Variants in EGFL6 observed in about 807,000 individuals in gnomAD.
EGFL6 encodes EGF like domain multiple 6, also known as epidermal growth factor-like protein 6.
In EGFL6, 42 loss-of-function variants were observed where a neutral mutation model predicts 43.1. The ratio of observed to expected loss-of-function variants is 0.98; its 90% CI spans 0.76 to 1.26. EGFL6 has a LOEUF of 1.26. Among genes scored for constraint, EGFL6 ranks in the 50% most tolerant of loss-of-function variants. The probability of loss-of-function intolerance (pLI) is 0.00; values close to 1 mark genes in which losing one functional copy is unlikely to be tolerated. For synonymous variants in EGFL6, 164 were observed against 163.2 expected, an observed-to-expected ratio of 1.01 and a Z score of -0.04; for missense variants, 429 against 427.8, an observed-to-expected ratio of 1.00 and a Z score of -0.02.
At chrX:13,573,510 T>C (rs757673817) in intron 1 of EGFL6, among the ~76,000 whole-genome samples, 5 of 112,350 alleles carry the variant, frequency 4.5e-5, no homozygotes, top group South Asian at 7.4e-4. Flanking sequence ...GTCCTATTTA[T>C]ATGTAATTCA....
At chrX:13,607,514 C>T (rs1420929160) in intron 6 of EGFL6, among the ~76,000 whole-genome samples, 2 of 111,082 alleles carry the variant, frequency 1.8e-5, no homozygotes, top group East Asian at 2.8e-4. Context: ...CCATATTTCT[C>T]GTGGACTTGG....
intron 3 of EGFL6, among the ~76,000 whole-genome samples, chrX:13,598,453 A>G (rs748501815): frequency 1.8e-5 from 2 of 111,592 alleles, no homozygotes; most frequent in Non-Finnish European, 3.8e-5. Flanking sequence ...AAACCCTCAC[A>G]TGACCACATT....
At chrX:13,605,044 C>T (rs1471191258) in intron 5 of EGFL6, among the ~76,000 whole-genome samples, 8 of 85,556 alleles carry the variant, frequency 9.4e-5, no homozygotes, top group African/African-American at 3.0e-4. Context: ...ACAGGATTTA[C>T]TACTTTTTAG....
At chrX:13,570,641 C>G (rs895882202) in intron 1 of EGFL6, among the ~76,000 whole-genome samples, 1 of 112,071 alleles carries the variant, frequency 8.9e-6, no homozygotes, top group Admixed American at 9.4e-5. Context: ...TGCACGCTTA[C>G]ATGGTGACTG....
intron 7 of EGFL6, among the ~76,000 whole-genome samples, chrX:13,608,939 T>A (rs945880970): frequency 2.7e-5 from 3 of 112,573 alleles, no homozygotes; most frequent in African/African-American, 9.7e-5. Context: ...TTATCTGTCA[T>A]CCTCAACGCT....
intron 2 of EGFL6, among the ~76,000 whole-genome samples, chrX:13,594,627 T>G (rs1296634390): frequency 9.0e-6 from 1 of 111,666 alleles, no homozygotes; most frequent in Non-Finnish European, 1.9e-5. Flanking sequence ...TGTGTTTGCA[T>G]GCAAAACTGG....
intron 2 of EGFL6, among the ~76,000 whole-genome samples, chrX:13,589,983 G>T (rs1002365408): frequency 1.8e-5 from 2 of 112,303 alleles, no homozygotes; most frequent in Admixed American, 1.9e-4. Flanking sequence ...AAAGCAGGCT[G>T]GTAAATTTCT....
intron 1 of EGFL6, among the ~76,000 whole-genome samples, chrX:13,572,072 A>C (rs1174611990): frequency 8.9e-6 from 1 of 112,537 alleles, no homozygotes; most frequent in Non-Finnish European, 1.9e-5. Context: ...ATTAACGCTC[A>C]TCAAATGAAT....
At chrX:13,588,595 AG>A (rs1292467213) in intron 1 of EGFL6, among the ~76,000 whole-genome samples, 1 of 110,945 alleles carries the variant, frequency 9.0e-6, no homozygotes, top group African/African-American at 3.3e-5. Context: ...GGTGGGGGAC[AG>A]GGGGCTCACC....
intron 1 of EGFL6, among the ~76,000 whole-genome samples, chrX:13,575,661 G>C (rs2045467538): frequency 8.9e-6 from 1 of 112,134 alleles, no homozygotes. Context: ...AGAAAAGATA[G>C]AAACCGCATA....
At chrX:13,612,694 G>A (rs986604011) in intron 7 of EGFL6, among the ~76,000 whole-genome samples, 4 of 111,071 alleles carry the variant, frequency 3.6e-5, no homozygotes, top group East Asian at 2.9e-4. Flanking sequence ...CCTCCCGGAC[G>A]GGGTGGCTAG....
At chrX:13,570,198 G>T (rs969949572) in intron 1 of EGFL6, among the ~76,000 whole-genome samples, 9 of 111,455 alleles carry the variant, frequency 8.1e-5, no homozygotes, top group African/African-American at 2.6e-4. Flanking sequence ...GAGGGTTGCA[G>T]GAGGAGGGAG....
chrX:13,594,992 T>C, intron 3 of EGFL6, 64 bp downstream of exon 3: 1 of 868,798 alleles, frequency 1.2e-6, no homozygotes, highest in Non-Finnish European at 1.6e-6. Context: ...GGCGACTCAA[T>C]ATGGTACGCA....
chrX:13,627,286 A>G lies in EGFL6; in HGVS notation c.1551+10A>G, dbSNP rs750457956. On this transcript the variant is annotated intron_variant, in intron 11 of 11. Transcript: ENST00000361306. Reference sequence around the variant, plus strand: ...TGATGCTACCAAAAGCGTAAGTGGGAAAAAAATGATTAAACTCAATATTTG... The same window carrying G: ...TGATGCTACCAAAAGCGTAAGTGGGGAAAAAATGATTAAACTCAATATTTG... 11 of 1,192,470 alleles carry G rather than the reference A, an allele frequency of 9.2e-6. No individual in the cohort carries two copies. The highest frequency in any genetic ancestry group is 9.1e-6 in the Non-Finnish European group (8 of 883,761).
chrX:13,591,342 C>T (rs1296333762), intron 2 of EGFL6, among the ~76,000 whole-genome samples: 11 of 111,447 alleles, frequency 9.9e-5, no homozygotes, highest in Admixed American at 9.5e-4. Context: ...CCCAGCATGT[C>T]GCTGGTGAAT....
At chrX:13,570,749 T>C (rs186689986) in intron 1 of EGFL6, among the ~76,000 whole-genome samples, 1 of 111,819 alleles carries the variant, frequency 8.9e-6, no homozygotes, top group East Asian at 2.8e-4. Context: ...CTCCGTGTTG[T>C]AGAAGAGAAA....
chrX:13,571,011 G>C (rs754348733), intron 1 of EGFL6, among the ~76,000 whole-genome samples: 1 of 111,032 alleles, frequency 9.0e-6, no homozygotes, highest in South Asian at 3.8e-4. Context: ...ATAATTATTT[G>C]TTGGGGTGAT....
intron 3 of EGFL6, among the ~76,000 whole-genome samples, chrX:13,598,891 T>C (rs2045616380): frequency 9.5e-6 from 1 of 104,770 alleles, no homozygotes; most frequent in African/African-American, 3.4e-5. Context: ...ATAATTCACA[T>C]ATATATAATT....
chrX:13,592,760 C>T, intron 2 of EGFL6, among the ~76,000 whole-genome samples: 1 of 103,673 alleles, frequency 9.6e-6, no homozygotes, highest in Non-Finnish European at 2.0e-5. Flanking sequence ...TACTGGAAAC[C>T]CAGGGAAGAG....
Sources: gnomAD v4.1 joint callset for allele counts (sites outside exome capture counted in the v4.1 genomes callset) on GRCh38, gnomAD v4.1.1 for gene constraint, MANE v1.5 for transcripts, NCBI Gene and HGNC (gene_info 2026-07-23, HGNC 2026-07-21) for gene names.